The following FAM83B variants were observed in gnomAD, a reference collection of about 807,000 sequenced individuals.
FAM83B encodes protein FAM83B.
FAM83B carries 26 observed loss-of-function variants against 38.8 expected under a neutral mutation model. The ratio of observed to expected loss-of-function variants is 0.67; its 90% CI spans 0.49 to 0.93. The LOEUF is 0.93. FAM83B is among the 40% of genes least tolerant of loss of function. The probability of loss-of-function intolerance (pLI) is 0.00; values close to 1 mark genes in which losing one functional copy is unlikely to be tolerated. For missense variants in FAM83B, 1,237 were observed against 1,197.3 expected (o/e 1.03, Z -0.49); for synonymous variants, 419 against 423.1 (o/e 0.99, Z 0.12).
At chr6:54,870,947 C>T (rs1771839085) in intron 2 of FAM83B, among the ~76,000 whole-genome samples, 1 of 152,062 alleles carries the variant, frequency 6.6e-6, no homozygotes, top group Non-Finnish European at 1.5e-5. Context: ...ATCTCTTCTC[C>T]CAGAAGACTG....
intron 2 of FAM83B, among the ~76,000 whole-genome samples, chr6:54,880,441 C>CTTTTTTTTTTTTTTTTTT (rs1180941250): frequency 9.4e-6 from 1 of 106,216 alleles, no homozygotes; most frequent in African/African-American, 3.7e-5. Flanking sequence ...TAGAAGGTTT[C>CTTTTTTTTTTTTTTTTTT]TTTTTTTTTT....
At chr6:54,848,387 A>G (rs969070981) in intron 1 of FAM83B, among the ~76,000 whole-genome samples, 8 of 152,168 alleles carry the variant, frequency 5.3e-5, no homozygotes, top group African/African-American at 1.7e-4. Context: ...TAAAGCTGGC[A>G]GGCTTTAGAC....
chr6:54,917,722 C>T (rs1048025183), intron 2 of FAM83B, among the ~76,000 whole-genome samples: 1 of 151,928 alleles, frequency 6.6e-6, no homozygotes, highest in East Asian at 1.9e-4. Flanking sequence ...ATTACACATT[C>T]GGTTATAGTG....
At chr6:54,938,184 T>G (rs1561931389) in intron 4 of FAM83B, among the ~76,000 whole-genome samples, 1 of 152,096 alleles carries the variant, frequency 6.6e-6, no homozygotes, top group Admixed American at 6.6e-5. Flanking sequence ...TCCAGGTTGT[T>G]GCAAATGCCA....
chr6:54,891,515 A>G (rs866070821), intron 2 of FAM83B, among the ~76,000 whole-genome samples: 3 of 152,038 alleles, frequency 2.0e-5, no homozygotes, highest in African/African-American at 2.4e-5. Context: ...TTCTACCTTC[A>G]TACTTTGGCA....
At position 54,940,492 on chromosome 6, in the gene FAM83B, T is replaced by C. The variant is rs746725945; in HGVS notation, c.1521T>C (p.Ala507=). ...CCTACTTAAATGATCATTCAGAAGC[T>C]ACACCGGACTCAAATGGATCAGCTT... The part of the protein sequence containing the change: ...IESYLNDHSE[A]TPDSNGSALG... The change falls in exon 5 of 5, where the codon GCT becomes GCC. Residue 507 remains alanine (A), a synonymous_variant. Coordinates refer to ENST00000306858, the MANE Select transcript of FAM83B (RefSeq NM_001010872.3). 1.2e-6 allele frequency: 2 copies of C among 1,614,078 alleles called. No homozygotes were observed. The highest frequency in any genetic ancestry group is 8.5e-7 in the Non-Finnish European group (1 of 1,180,018).
intron 2 of FAM83B, among the ~76,000 whole-genome samples, chr6:54,875,765 T>A: frequency 7.0e-6 from 1 of 141,992 alleles, no homozygotes; most frequent in African/African-American, 2.5e-5. Context: ...GAAAAGAAGG[T>A]GGGAAAGAGA....
intron 1 of FAM83B, among the ~76,000 whole-genome samples, chr6:54,860,983 T>A (rs1407285419): frequency 6.6e-6 from 1 of 152,198 alleles, no homozygotes; most frequent in African/African-American, 2.4e-5. Flanking sequence ...TTGTTCATGT[T>A]ATGGTCTTGA....
At chr6:54,929,884 TATGTGCAG>T (rs993420175) in intron 4 of FAM83B, among the ~76,000 whole-genome samples, 34 of 152,102 alleles carry the variant, frequency 2.2e-4, no homozygotes, top group Non-Finnish European at 4.4e-4. Flanking sequence ...ATTACTAAAA[TATGTGCAG>T]TACAAAACAG....
intron 1 of FAM83B, among the ~76,000 whole-genome samples, chr6:54,868,326 C>A (rs992686660): frequency 2.0e-5 from 3 of 152,030 alleles, no homozygotes; most frequent in Admixed American, 6.6e-5. Context: ...AGCCCTCCTC[C>A]GCACAAGTGA....
At chr6:54,849,177 G>A (rs1771208160) in intron 1 of FAM83B, among the ~76,000 whole-genome samples, 1 of 152,178 alleles carries the variant, frequency 6.6e-6, no homozygotes, top group Non-Finnish European at 1.5e-5. Flanking sequence ...TAGATAAAAA[G>A]TTGTACAAAT....
In FAM83B at chr6:54,882,894, C is replaced by T. The variant is rs148334397; in HGVS notation, c.444+12204C>T. Among the ~76,000 whole-genome samples, 764 of 152,242 alleles carry T rather than the reference C, an allele frequency of 5.0e-3. 8 individuals are homozygous for T. Among genetic ancestry groups the T allele is most frequent in the African/African-American group, 0.016 (671 of 41,554 alleles). On this transcript the variant is annotated intron_variant, in intron 2 of 4. Coordinates refer to ENST00000306858, the MANE Select transcript of FAM83B (RefSeq NM_001010872.3). ...GGGAAAGCTTTGTTTGATTCCCTTA[C>T]CAGACTTCAGTTAGTCATCCTCTAT...
At chr6:54,934,970 T>C (rs931565186) in intron 4 of FAM83B, among the ~76,000 whole-genome samples, 2 of 152,178 alleles carry the variant, frequency 1.3e-5, no homozygotes, top group Non-Finnish European at 2.9e-5. Context: ...ATTTCTCTGT[T>C]CTAAACATTT....
intron 2 of FAM83B, among the ~76,000 whole-genome samples, chr6:54,871,435 A>G (rs887444886): frequency 6.6e-6 from 1 of 151,592 alleles, no homozygotes; most frequent in African/African-American, 2.4e-5. Flanking sequence ...ATGTATGGGC[A>G]AGGCTGGGCG....
rs572111494 is a variant in FAM83B at position 54,912,973 on chromosome 6, T to C, written c.445-13398T>C. Among the ~76,000 whole-genome samples, 3 of 152,208 alleles carry C rather than the reference T, an allele frequency of 2.0e-5. No individual in the cohort carries two copies. The East Asian group carries it at 5.8e-4, about 29-fold the overall frequency. On this transcript the variant is annotated intron_variant, in intron 2 of 4. Coordinates refer to ENST00000306858, the MANE Select transcript of FAM83B (RefSeq NM_001010872.3). Reference sequence around the variant, plus strand: ...AATTGCTACTTTACCAGTTTATGACTTGACTATAACTACTTTACATTTAAG... The same window carrying C: ...AATTGCTACTTTACCAGTTTATGACCTGACTATAACTACTTTACATTTAAG...
intron 4 of FAM83B, among the ~76,000 whole-genome samples, chr6:54,935,934 C>G (rs2062780): frequency 6.6e-6 from 1 of 151,808 alleles, no homozygotes; most frequent in African/African-American, 2.4e-5. Flanking sequence ...AGGAATAGGT[C>G]GGGGAAGGAG....
At chr6:54,938,474 A>C (rs1773569810) in intron 4 of FAM83B, among the ~76,000 whole-genome samples, 1 of 152,132 alleles carries the variant, frequency 6.6e-6, no homozygotes, top group Non-Finnish European at 1.5e-5. Context: ...ACTAGTATAC[A>C]TTTCCACCAG....
At chr6:54,884,788 T>C (rs76401854) in intron 2 of FAM83B, among the ~76,000 whole-genome samples, 2 of 151,914 alleles carry the variant, frequency 1.3e-5, no homozygotes, top group Non-Finnish European at 2.9e-5. Flanking sequence ...TTTTTTTTTT[T>C]TTGAAACGGA....
intron 1 of FAM83B, among the ~76,000 whole-genome samples, chr6:54,858,026 A>G (rs1321507457): frequency 7.2e-5 from 11 of 152,200 alleles, no homozygotes; most frequent in South Asian, 2.1e-4. Flanking sequence ...CCAACTGGAT[A>G]TGTGAGTCTA....
Sources: gnomAD v4.1 joint callset for allele counts (sites outside exome capture counted in the v4.1 genomes callset) on GRCh38, gnomAD v4.1.1 for gene constraint, MANE v1.5 for transcripts, NCBI Gene and HGNC (gene_info 2026-07-23, HGNC 2026-07-21) for gene names.